ADGRF3: variants seen among roughly 807,000 people sequenced by gnomAD.
ADGRF3 encodes G protein-coupled receptor 113.
A neutral mutation model predicts 93.2 loss-of-function variants in ADGRF3; 85 were observed. The observed-to-expected ratio is 0.91, with a 90% confidence interval of 0.77 to 1.09. The LOEUF is 1.09. ADGRF3 is among the 50% of genes least tolerant of loss of function. ADGRF3 has a pLI of 0.00. For missense variants in ADGRF3, 1,125 were observed against 1,246.2 expected (o/e 0.90, Z 1.46); for synonymous variants, 534 against 532.5 (o/e 1.00, Z -0.04).
chr2:26,339,808 G>C (rs1318855932), intron 1 of ADGRF3, among the ~76,000 whole-genome samples: 2 of 152,162 alleles, frequency 1.3e-5, no homozygotes, highest in Non-Finnish European at 2.9e-5. Context: ...AAGGCAGCTA[G>C]TTAACAACCT....
intron 1 of ADGRF3, chr2:26,340,342 T>C (rs929387749): frequency 9.2e-5 from 14 of 152,238 alleles, no homozygotes; most frequent in African/African-American, 3.4e-4. Context: ...ATGAATTATA[T>C]GAATTATAAC....
intron 1 of ADGRF3, among the ~76,000 whole-genome samples, chr2:26,330,466 G>T (rs1279927684): frequency 1.3e-5 from 2 of 152,152 alleles, no homozygotes; most frequent in Non-Finnish European, 2.9e-5. Context: ...TACTGTGACT[G>T]TTCACAGGTG....
chr2:26,346,074 G>T (rs1391440791), intron 1 of ADGRF3, 47 bp downstream of exon 1: 10 of 1,528,232 alleles, frequency 6.5e-6, no homozygotes, highest in Non-Finnish European at 8.8e-6. Flanking sequence ...GGCCGAAGGG[G>T]CCGAGGCGGC....
intron 6 of ADGRF3, 52 bp downstream of exon 6, chr2:26,314,362 G>C: frequency 1.3e-6 from 2 of 1,535,122 alleles, no homozygotes; most frequent in Non-Finnish European, 1.8e-6. Context: ...GCCTGGAAGA[G>C]ACAGCTGCCC....
Position 26,313,763 on chromosome 2 carries a change from G to A in ADGRF3, c.1069C>T (p.Gln357Ter). The change falls in exon 7 of 14, where the codon CAG (glutamine) becomes TAG (stop). Residue 357 changes from glutamine (Q) to a stop codon, truncating the protein, a stop_gained. Transcript: ENST00000651242. LOFTEE classifies it high-confidence loss of function. Reference protein sequence around the residue: ...LRVPISITIIQDGDITCPEDA... With the variant: ...LRVPISITII ...CTGGGCCCCAGGCCCTGCGTACCCT[G>A]GATGATGGTGATGGAGATGGGGACC... 6.2e-7 allele frequency: 1 copy of A among 1,613,904 alleles called. No homozygotes were observed. The highest frequency in any genetic ancestry group is 1.1e-5 in the South Asian group (1 of 91,074).
intron 1 of ADGRF3, among the ~76,000 whole-genome samples, chr2:26,342,571 T>C (rs1676456700): frequency 6.6e-6 from 1 of 152,242 alleles, no homozygotes; most frequent in Non-Finnish European, 1.5e-5. Flanking sequence ...AATAAAAATA[T>C]TGTTTCTAGC....
At chr2:26,323,251 G>A (rs1675255547) in intron 1 of ADGRF3, among the ~76,000 whole-genome samples, 1 of 152,304 alleles carries the variant, frequency 6.6e-6, no homozygotes, top group South Asian at 2.1e-4. Flanking sequence ...CTTAGGCAAA[G>A]TGGAGTTCAG....
At chr2:26,313,279 TG>T in intron 8 of ADGRF3, 97 bp downstream of exon 8, 1 of 1,431,402 alleles carries the variant, frequency 7.0e-7, no homozygotes, top group South Asian at 1.4e-5. Context: ...GAACAGCCTG[TG>T]GGCTGGGCCT....
At chr2:26,336,819 C>T (rs1161364433) in intron 1 of ADGRF3, among the ~76,000 whole-genome samples, 2 of 149,440 alleles carry the variant, frequency 1.3e-5, no homozygotes, top group Non-Finnish European at 3.0e-5. Context: ...GAAGACAACC[C>T]CAGTAAGTTA....
At chr2:26,316,216 C>A in intron 4 of ADGRF3, 59 bp downstream of exon 4, 1 of 1,497,984 alleles carries the variant, frequency 6.7e-7, no homozygotes, top group South Asian at 1.3e-5. Context: ...AGGAGAAAAC[C>A]ACTGAGAACA....
At position 26,346,116 on chromosome 2, in the gene ADGRF3, C is replaced by G; in HGVS notation, c.114+5G>C. The G allele has an allele frequency of 1.3e-6, 2 of 1,579,986 alleles. No homozygotes were observed. The highest frequency in any genetic ancestry group is 8.6e-7 in the Non-Finnish European group (1 of 1,165,032). Reference sequence around the variant, plus strand: ...TGCGCGGTGGGCGGAGCGCGGCTCTCCTACCTTCTCGGGCAGCCCAGTCTT... The same window carrying G: ...TGCGCGGTGGGCGGAGCGCGGCTCTGCTACCTTCTCGGGCAGCCCAGTCTT... On this transcript the variant is annotated splice_donor_5th_base_variant and intron_variant, in intron 1 of 13. Transcript: ENST00000651242.
At position 26,313,529 on chromosome 2, in the gene ADGRF3, T is replaced by C. The variant is rs754696640; in HGVS notation, c.1117A>G (p.Asn373Asp). The C allele has an allele frequency of 6.2e-7, 1 of 1,611,460 alleles. No individual in the cohort carries two copies. The highest frequency in any genetic ancestry group is 1.7e-5 in the Admixed American group (1 of 59,838). ...GCCACGTGGCCAGCCTTGGTGACAT[T>C]CCAGGTGAGCACCGAGGCGTCCTCA... ...CPEDASVLTW[N>D]VTKAGHVAQA... is the part of the protein sequence containing the mutation. The change falls in exon 8 of 14, where the codon AAT becomes GAT. Residue 373 changes from asparagine to aspartate, a missense_variant. Asn to Asp is a conservative substitution (Grantham distance 23). Coordinates refer to ENST00000651242, the MANE Select transcript of ADGRF3 (RefSeq NM_001321971.2).
rs1045876022 is a variant in ADGRF3 at position 26,313,957 on chromosome 2, C to T, written c.929-54G>A. On this transcript the variant is annotated intron_variant, in intron 6 of 13. Coordinates refer to ENST00000651242, the MANE Select transcript of ADGRF3 (RefSeq NM_001321971.2). ...CATTGGGCCAGGGACAGGCCTGGAACCCAGCAGGCTCTGACATGCTGTTTC... is the reference window on the plus strand; with the variant it reads ...CATTGGGCCAGGGACAGGCCTGGAATCCAGCAGGCTCTGACATGCTGTTTC... 3 of 1,603,120 alleles carry T rather than the reference C, an allele frequency of 1.9e-6. No individual in the cohort carries two copies. The African/African-American group carries it at 4.0e-5, about 21-fold the overall frequency.
At chr2:26,331,197 T>C (rs1362727919) in intron 1 of ADGRF3, among the ~76,000 whole-genome samples, 4 of 152,298 alleles carry the variant, frequency 2.6e-5, no homozygotes, top group East Asian at 1.9e-4. Context: ...ATCTTTAACA[T>C]TTTTGAGGTC....
chr2:26,319,687 T>TTC (rs750614389), intron 1 of ADGRF3, among the ~76,000 whole-genome samples: 4 of 151,218 alleles, frequency 2.6e-5, no homozygotes, highest in East Asian at 1.9e-4. Context: ...CTTTCCTTCT[T>TTC]TCTCTCTCTC....
At chr2:26,334,369 T>G (rs1675927914) in intron 1 of ADGRF3, among the ~76,000 whole-genome samples, 1 of 152,140 alleles carries the variant, frequency 6.6e-6, no homozygotes, top group African/African-American at 2.4e-5. Context: ...TTGAGCTATT[T>G]TCTTATTTGC....
rs748798754 is a variant in ADGRF3 at position 26,310,790 on chromosome 2, G to A, written c.2734C>T (p.Pro912Ser). 3 of 1,613,778 alleles carry A rather than the reference G, an allele frequency of 1.9e-6. No homozygotes were observed. Among genetic ancestry groups the A allele is most frequent in the Non-Finnish European group, 2.5e-6 (3 of 1,179,762 alleles). Reference protein sequence around the residue: ...GVIKALLILTPIFGLTWGLGL... With the variant: ...GVIKALLILTSIFGLTWGLGL... ...AGCCCCCAGGTGAGGCCAAAGATGG[G>A]TGTAAGAATGAGCAGGGCTTTGATC... The change falls in exon 10 of 14, where the codon CCC (proline) becomes TCC (serine). Residue 912 changes from proline (P) to serine (S), a missense_variant. Transcript: ENST00000651242.
chr2:26,312,102 CCGTCTGCTGG>C, intron 9 of ADGRF3, 28 bp from the exon 10 acceptor site: 1 of 1,574,564 alleles, frequency 6.4e-7, no homozygotes, highest in Non-Finnish European at 8.6e-7. Context: ...AAGATGAACC[CCGTCTGCTGG>C]CGCCCACAGG....
At chr2:26,315,500 A>T (rs1044478863) in intron 5 of ADGRF3, 22 bp downstream of exon 5, 1 of 1,542,870 alleles carries the variant, frequency 6.5e-7, no homozygotes, top group Admixed American at 2.0e-5. Context: ...GAAAGGAGGC[A>T]AGGAGAGGAC....
Sources: gnomAD v4.1 joint callset for allele counts (sites outside exome capture counted in the v4.1 genomes callset) on GRCh38, gnomAD v4.1.1 for gene constraint, MANE v1.5 for transcripts, NCBI Gene and HGNC (gene_info 2026-07-23, HGNC 2026-07-21) for gene names.